The following PTK2 variants were observed in gnomAD, a reference collection of about 807,000 sequenced individuals.
PTK2 encodes focal adhesion kinase 1.
In PTK2, 45 loss-of-function variants were observed where a neutral mutation model predicts 150.1. The ratio of observed to expected loss-of-function variants is 0.30; its 90% CI spans 0.24 to 0.38. The LOEUF (loss-of-function observed/expected upper bound fraction) is 0.38, where lower values mean the gene tolerates loss of function less well. Ranked by LOEUF, PTK2 falls within the 10% of genes least tolerant of loss-of-function variation. The probability of loss-of-function intolerance (pLI) is 1.00; values close to 1 mark genes in which losing one functional copy is unlikely to be tolerated. For missense variants in PTK2, 919 were observed against 1,307.3 expected (o/e 0.70, Z 4.58); for synonymous variants, 432 against 449.2 (o/e 0.96, Z 0.48).
intron 3 of PTK2, among the ~76,000 whole-genome samples, chr8:140,884,424 T>C (rs1450716882): frequency 6.6e-6 from 1 of 152,200 alleles, no homozygotes; most frequent in Non-Finnish European, 1.5e-5. Flanking sequence ...CTTTCTAGAA[T>C]CAAAACTATT....
rs534667860 is a variant in PTK2, at chr8:140,997,752, A to T, written c.-122+3373T>A. ...CCAGGAGTTCACGACCAACTTGTGC[A>T]ACATAGGGAGACCCCATCTCTACGA... On this transcript the variant is annotated intron_variant, in intron 1 of 31. Coordinates refer to ENST00000522684, the Ensembl canonical transcript of PTK2. 3.8e-4 allele frequency among the ~76,000 whole-genome samples: 58 copies of T among 152,152 alleles called. 1 individual carries two copies. Among genetic ancestry groups the T allele is most frequent in the Middle Eastern group, 3.4e-3 (1 of 294 alleles).
chr8:140,744,062 C>CG (rs58628473), intron 19 of PTK2, among the ~76,000 whole-genome samples: 11 of 150,022 alleles, frequency 7.3e-5, no homozygotes, highest in South Asian at 6.2e-4. Context: ...CAGCTATGAG[C>CG]CACCGCGCCC....
intron 2 of PTK2, among the ~76,000 whole-genome samples, chr8:140,900,665 T>C (rs1360758400): frequency 6.6e-6 from 1 of 151,478 alleles, no homozygotes; most frequent in Non-Finnish European, 1.5e-5. Context: ...GGGGATGCAG[T>C]GAGCCGAGAT....
intron 4 of PTK2, among the ~76,000 whole-genome samples, chr8:140,870,547 G>A (rs1422357792): frequency 6.6e-6 from 1 of 152,188 alleles, no homozygotes; most frequent in Non-Finnish European, 1.5e-5. Flanking sequence ...AGGCTTTGCA[G>A]AGAAGACATC....
chr8:140,770,367 A>AT (rs2100074802), intron 14 of PTK2, among the ~76,000 whole-genome samples: 1 of 152,222 alleles, frequency 6.6e-6, no homozygotes, highest in African/African-American at 2.4e-5. Flanking sequence ...GTTGCATGCT[A>AT]TATTAGGAAA....
chr8:140,850,177 G>A (rs2100128310), intron 5 of PTK2, among the ~76,000 whole-genome samples: 1 of 152,146 alleles, frequency 6.6e-6, no homozygotes, highest in African/African-American at 2.4e-5. Context: ...TGTAATCCCA[G>A]CACTTTGGGA....
intron 5 of PTK2, among the ~76,000 whole-genome samples, chr8:140,858,387 T>C (rs1379906204): frequency 7.0e-6 from 1 of 142,720 alleles, no homozygotes. Flanking sequence ...CATGACCCCC[T>C]AGAGGTACAT....
At chr8:140,971,571 T>C (rs958060385) in intron 1 of PTK2, among the ~76,000 whole-genome samples, 1 of 152,218 alleles carries the variant, frequency 6.6e-6, no homozygotes, top group Non-Finnish European at 1.5e-5. Flanking sequence ...CTGCAATCAA[T>C]TTTTTCTACA....
chr8:140,714,567 C>T lies in PTK2; in HGVS notation c.2142+3031G>A, dbSNP rs368251793. On this transcript the variant is annotated intron_variant, in intron 23 of 31. Transcript: ENST00000522684. ...ACCCCAGCACTTTGGGAGGCTGAGG[C>T]GGGCAGATCACCTGAGATCAGGAGT... Among the ~76,000 whole-genome samples the T allele has an allele frequency of 4.0e-5, 6 of 151,636 alleles. No homozygotes were observed. In the East Asian group the frequency reaches 5.8e-4, roughly 15 times the overall value.
At chr8:140,960,223 G>A (rs1190421479) in intron 1 of PTK2, among the ~76,000 whole-genome samples, 2 of 111,940 alleles carry the variant, frequency 1.8e-5, no homozygotes, top group African/African-American at 7.1e-5. Context: ...TTTTGAGACG[G>A]AGTCTCACTC....
Position 140,735,474 on chromosome 8 carries a change from AAC to A in PTK2, c.1826-21_1826-20del. On this transcript the variant is annotated intron_variant, in intron 21 of 31. Coordinates refer to ENST00000522684, the Ensembl canonical transcript of PTK2. ...CACACACCTGTCAAGTGGGAATGAAAACACAACAGTGAGCTCAGTATGAAGAA... is the reference window on the plus strand; with the variant it reads ...CACACACCTGTCAAGTGGGAATGAAAACAACAGTGAGCTCAGTATGAAGAA... The A allele has an allele frequency of 6.2e-7, 1 of 1,610,586 alleles. No homozygotes were observed. The highest frequency in any genetic ancestry group is 2.2e-5 in the East Asian group (1 of 44,870).
chr8:140,812,425 C>T (rs556176534), intron 10 of PTK2, among the ~76,000 whole-genome samples: 1 of 152,190 alleles, frequency 6.6e-6, no homozygotes, highest in Non-Finnish European at 1.5e-5. Context: ...AAGGAAAGAC[C>T]GTTACCAACC....
chr8:140,800,315 AG>A (rs1439505874), intron 12 of PTK2, 143 bp downstream of exon 12: 6 of 707,014 alleles, frequency 8.5e-6, no homozygotes, highest in Admixed American at 4.1e-5. Flanking sequence ...TAGAAAAATA[AG>A]TCCTCAGATT....
chr8:140,860,341 G>A (rs973743351), intron 5 of PTK2, among the ~76,000 whole-genome samples: 1 of 152,110 alleles, frequency 6.6e-6, no homozygotes, highest in Admixed American at 6.5e-5. Flanking sequence ...CCAATCATAG[G>A]GAACTGCCAA....
chr8:140,851,502 T>C (rs1430424682), intron 5 of PTK2, among the ~76,000 whole-genome samples: 1 of 152,148 alleles, frequency 6.6e-6, no homozygotes, highest in African/African-American at 2.4e-5. Context: ...TGACAACAAA[T>C]GTTTCCATTA....
At chr8:140,920,677 A>C in intron 2 of PTK2, 2 of 851,212 alleles carry the variant, frequency 2.3e-6, no homozygotes, top group East Asian at 3.2e-5. Context: ...CTGTAAACCC[A>C]TACCAAATCT....
intron 5 of PTK2, among the ~76,000 whole-genome samples, chr8:140,849,255 C>A (rs1352883572): frequency 6.6e-6 from 1 of 152,166 alleles, no homozygotes; most frequent in East Asian, 1.9e-4. Flanking sequence ...CCCCTCAAGC[C>A]CCAAAGCAGC....
At chr8:140,728,816 C>T (rs140578239) in intron 22 of PTK2, among the ~76,000 whole-genome samples, 20 of 152,270 alleles carry the variant, frequency 1.3e-4, no homozygotes, top group Non-Finnish European at 2.6e-4. Flanking sequence ...CCACTGCACC[C>T]GGCCAGATTA....
chr8:140,935,651 T>C (rs1347578904), intron 1 of PTK2, among the ~76,000 whole-genome samples: 1 of 149,612 alleles, frequency 6.7e-6, no homozygotes, highest in African/African-American at 2.4e-5. Flanking sequence ...AAATGAAAGT[T>C]TTTTTCCTAA....
Sources: allele counts gnomAD v4.1 joint callset (sites outside exome capture counted in the v4.1 genomes callset), GRCh38; gene constraint gnomAD v4.1.1; transcripts MANE v1.5; gene names NCBI Gene and HGNC (gene_info 2026-07-23, HGNC 2026-07-21).